The following HMG20A variants were observed in gnomAD, a reference collection of about 807,000 sequenced individuals.
HMG20A encodes high mobility group 20A, also known as high mobility group protein 20A.
In HMG20A, 17 loss-of-function variants were observed where a neutral mutation model predicts 43.9. The observed-to-expected ratio is 0.39, with a 90% CI of 0.27 to 0.58. The LOEUF is 0.58. Ranked by LOEUF, HMG20A falls within the 20% of genes least tolerant of loss-of-function variation. The pLI is 0.59. For missense variants in HMG20A, 341 were observed against 438.2 expected, an observed-to-expected ratio of 0.78 and a Z score of 1.98; for synonymous variants, 132 against 147.5, an observed-to-expected ratio of 0.89 and a Z score of 0.76.
chr15:77,513,125 T>G, the HMG20A span, among the ~76,000 whole-genome samples: 1 of 152,198 alleles, frequency 6.6e-6, no homozygotes, highest in African/African-American at 2.4e-5. Context: ...CATGTAATCA[T>G]GGATAGGACC....
At chr15:77,509,429 A>C in the HMG20A span, among the ~76,000 whole-genome samples, 1 of 151,514 alleles carries the variant, frequency 6.6e-6, no homozygotes, top group African/African-American at 2.4e-5. Context: ...TAATTTTTTT[A>C]TATTTTGTAG....
At chr15:77,482,087 G>A (rs1447257092) in intron 9 of HMG20A, 2 of 152,168 alleles carry the variant, frequency 1.3e-5, no homozygotes, top group Non-Finnish European at 2.9e-5. Flanking sequence ...GCGTAGATGA[G>A]TACAGAATCC....
chr15:77,480,719 C>CTT (rs138884448), intron 9 of HMG20A, among the ~76,000 whole-genome samples: 1,421 of 129,036 alleles, frequency 0.011, 18 homozygotes, highest in African/African-American at 0.037. Context: ...AGTATGTATC[C>CTT]TTTTTTTTTT....
intron 8 of HMG20A, among the ~76,000 whole-genome samples, chr15:77,478,711 T>A (rs879653405): frequency 6.6e-6 from 1 of 152,258 alleles, no homozygotes; most frequent in East Asian, 1.9e-4. Flanking sequence ...TCTCTGGTCA[T>A]TCAAATTTTT....
intron 2 of HMG20A, among the ~76,000 whole-genome samples, chr15:77,463,018 T>C (rs1424344941): frequency 6.6e-6 from 1 of 152,066 alleles, no homozygotes; most frequent in Admixed American, 6.6e-5. Flanking sequence ...GTGATCCACC[T>C]GCCTTGGCCT....
chr15:77,461,510 G>A (rs939834447), intron 2 of HMG20A, among the ~76,000 whole-genome samples: 41 of 152,198 alleles, frequency 2.7e-4, no homozygotes, highest in African/African-American at 8.4e-4. Context: ...AAGAGGGTGT[G>A]AGATCAAGGG....
chr15:77,519,574 C>A, the HMG20A span, among the ~76,000 whole-genome samples: 1 of 152,184 alleles, frequency 6.6e-6, no homozygotes, highest in African/African-American at 2.4e-5. Flanking sequence ...AGCTCCCTGG[C>A]CTCTTCTGCC....
chr15:77,468,572 TTCTC>T (rs34591065), intron 4 of HMG20A, among the ~76,000 whole-genome samples: 5,311 of 141,788 alleles, frequency 0.037, 155 homozygotes, highest in African/African-American at 0.074. Flanking sequence ...TGCTCAGTCT[TTCTC>T]TCTCTCTCTC....
At chr15:77,453,571 A>G (rs1326775078) in intron 1 of HMG20A, among the ~76,000 whole-genome samples, 2 of 152,214 alleles carry the variant, frequency 1.3e-5, no homozygotes, top group Non-Finnish European at 2.9e-5. Context: ...CTCCACTCCT[A>G]GGTATATGCC....
chr15:77,457,240 C>A (rs1221365998), intron 1 of HMG20A, among the ~76,000 whole-genome samples: 1 of 152,208 alleles, frequency 6.6e-6, no homozygotes, highest in Non-Finnish European at 1.5e-5. Flanking sequence ...ATATTTCCAC[C>A]TCAGTGGAGT....
At chr15:77,510,519 G>A in the HMG20A span, among the ~76,000 whole-genome samples, 7 of 152,216 alleles carry the variant, frequency 4.6e-5, no homozygotes, top group Non-Finnish European at 1.0e-4. Flanking sequence ...AAGAGCTTCT[G>A]CATGAGTTGA....
intron 1 of HMG20A, among the ~76,000 whole-genome samples, chr15:77,430,829 A>G (rs569376721): frequency 6.6e-6 from 1 of 152,370 alleles, no homozygotes; most frequent in East Asian, 1.9e-4. Flanking sequence ...GACAGCAACA[A>G]TATGAAACTA....
At chr15:77,463,039 TG>T in intron 2 of HMG20A, among the ~76,000 whole-genome samples, 1 of 152,318 alleles carries the variant, frequency 6.6e-6, no homozygotes, top group Admixed American at 6.5e-5. Flanking sequence ...CCCAAAGTGC[TG>T]GGATTACAGG....
intron 6 of HMG20A, among the ~76,000 whole-genome samples, chr15:77,474,266 C>A (rs2072835720): frequency 6.6e-6 from 1 of 152,100 alleles, no homozygotes; most frequent in Non-Finnish European, 1.5e-5. Context: ...CTTGCAGTGT[C>A]TAAAGACCAT....
At chr15:77,493,490 C>T in the HMG20A span, among the ~76,000 whole-genome samples, 1 of 152,150 alleles carries the variant, frequency 6.6e-6, no homozygotes, top group Non-Finnish European at 1.5e-5. Context: ...GGATAGTCTC[C>T]TCAGTGCAGG....
intron 1 of HMG20A, among the ~76,000 whole-genome samples, chr15:77,435,268 AT>A (rs1166975691): frequency 2.0e-5 from 3 of 152,026 alleles, no homozygotes; most frequent in African/African-American, 7.2e-5. Context: ...TACACTTAAA[AT>A]TTGCATAATT....
chr15:77,479,629 C>T, intron 9 of HMG20A: 1 of 216,482 alleles, frequency 4.6e-6, no homozygotes, highest in South Asian at 9.3e-5. Context: ...ATGCTTGCTT[C>T]AGAATGGTTT....
the HMG20A span, among the ~76,000 whole-genome samples, chr15:77,508,680 C>A: frequency 6.6e-6 from 1 of 152,240 alleles, no homozygotes; most frequent in Non-Finnish European, 1.5e-5. Context: ...GGACGGGTCA[C>A]TTGGCAGGCC....
At chr15:77,427,446 G>A (rs2073438136) in intron 1 of HMG20A, among the ~76,000 whole-genome samples, 1 of 152,078 alleles carries the variant, frequency 6.6e-6, no homozygotes. Flanking sequence ...CTAAAAGATT[G>A]TACTGATTTT....
Sources: allele counts gnomAD v4.1 joint callset (sites outside exome capture counted in the v4.1 genomes callset), GRCh38; gene constraint gnomAD v4.1.1; transcripts MANE v1.5; gene names NCBI Gene and HGNC (gene_info 2026-07-23, HGNC 2026-07-21).